The following TANC1 variants were observed in gnomAD, a reference collection of about 807,000 sequenced individuals.
TANC1 encodes protein TANC1.
In TANC1, 77 loss-of-function variants were observed where a neutral mutation model predicts 149.7. That is an observed-to-expected ratio of 0.51 (90% CI 0.43 to 0.62). TANC1 has a LOEUF of 0.62. TANC1 is among the 20% of genes least tolerant of loss of function. The probability of loss-of-function intolerance (pLI) is 0.00; values close to 1 mark genes in which losing one functional copy is unlikely to be tolerated. For missense variants in TANC1, 1,985 were observed against 2,321.8 expected (o/e 0.85, Z 2.98); for synonymous variants, 854 against 925.0 (o/e 0.92, Z 1.39).
intron 2 of TANC1, chr2:159,056,865 T>TGATTGA (rs2041893515): frequency 3.2e-6 from 1 of 311,182 alleles, no homozygotes; most frequent in Non-Finnish European, 6.8e-6. Flanking sequence ...ATCATAGGAG[T>TGATTGA]TTCCTGGCAT....
chr2:159,030,917 G>A (rs543823374), intron 2 of TANC1, among the ~76,000 whole-genome samples: 1 of 152,288 alleles, frequency 6.6e-6, no homozygotes, highest in African/African-American at 2.4e-5. Context: ...GGAGGAAGGG[G>A]CTGAGGTCTT....
At chr2:158,973,358 T>TG (rs2033176919) in intron 1 of TANC1, among the ~76,000 whole-genome samples, 2 of 152,102 alleles carry the variant, frequency 1.3e-5, no homozygotes, top group African/African-American at 2.4e-5. Context: ...GGGTAGGAGA[T>TG]GGGGGTGGAG....
chr2:159,096,291 G>GTGTTTT (rs1387030312), intron 3 of TANC1, among the ~76,000 whole-genome samples: 6 of 113,500 alleles, frequency 5.3e-5, no homozygotes, highest in African/African-American at 2.2e-4. Flanking sequence ...AGGACTGGCT[G>GTGTTTT]TATTTTTTTT....
At chr2:159,127,130 A>G (rs1485864371) in intron 4 of TANC1, among the ~76,000 whole-genome samples, 2 of 152,246 alleles carry the variant, frequency 1.3e-5, no homozygotes, top group African/African-American at 4.8e-5. Context: ...CTACAAAAAA[A>G]TCCCATCAAA....
intron 2 of TANC1, among the ~76,000 whole-genome samples, chr2:159,025,270 C>CCTTTT (rs1392163236): frequency 4.9e-5 from 6 of 122,368 alleles, no homozygotes; most frequent in Non-Finnish European, 6.9e-5. Context: ...TTCCTTTTTT[C>CCTTTT]CTTTTCTTTT....
chr2:159,162,216 A>T (rs1279227242), intron 7 of TANC1, among the ~76,000 whole-genome samples: 1 of 152,226 alleles, frequency 6.6e-6, no homozygotes, highest in African/African-American at 2.4e-5. Context: ...CTTCTGATAC[A>T]GTGTGTATCA....
At chr2:159,191,585 A>G (rs2057447281) in intron 16 of TANC1, among the ~76,000 whole-genome samples, 1 of 152,172 alleles carries the variant, frequency 6.6e-6, no homozygotes, top group Non-Finnish European at 1.5e-5. Flanking sequence ...TCAGAGAGGA[A>G]GCTGGAGGCC....
intron 5 of TANC1, among the ~76,000 whole-genome samples, chr2:159,144,751 T>C (rs2051871066): frequency 6.6e-6 from 1 of 152,108 alleles, no homozygotes; most frequent in South Asian, 2.1e-4. Flanking sequence ...GGAATGGTAA[T>C]GGCTGAGAAG....
chr2:159,032,662 T>C (rs1162923356), intron 2 of TANC1, among the ~76,000 whole-genome samples: 4 of 152,102 alleles, frequency 2.6e-5, no homozygotes, highest in African/African-American at 7.2e-5. Context: ...TGTCCCTCCA[T>C]TCTCTTAACT....
intron 4 of TANC1, among the ~76,000 whole-genome samples, chr2:159,135,031 C>T (rs1289781054): frequency 1.3e-5 from 2 of 152,168 alleles, no homozygotes; most frequent in Non-Finnish European, 2.9e-5. Flanking sequence ...GTACAACCAT[C>T]CCTACAACCT....
chr2:159,049,338 A>AGTTATCAGAGATCTAAAT (rs11275225), intron 2 of TANC1, among the ~76,000 whole-genome samples: 1 of 151,930 alleles, frequency 6.6e-6, no homozygotes, highest in African/African-American at 2.4e-5. Context: ...ATCCAAACTT[A>AGTTATCAGAGATCTAAAT]GTTCAGATTT....
At chr2:159,187,644 G>C (rs1450596810) in intron 16 of TANC1, among the ~76,000 whole-genome samples, 3 of 152,126 alleles carry the variant, frequency 2.0e-5, no homozygotes, top group Non-Finnish European at 4.4e-5. Flanking sequence ...AGCCTGTTAA[G>C]GCCACAGAGA....
intron 2 of TANC1, chr2:159,056,318 A>AT (rs1200812759): frequency 0.021 from 3,318 of 156,362 alleles, 43 homozygotes; most frequent in Middle Eastern, 0.07. Flanking sequence ...TTATTTATTT[A>AT]TTTTTTTTTT....
chr2:159,097,420 G>T (rs1206633917), intron 3 of TANC1, among the ~76,000 whole-genome samples: 2 of 152,168 alleles, frequency 1.3e-5, no homozygotes, highest in Non-Finnish European at 2.9e-5. Context: ...TTAGGGTAGT[G>T]CAGAAAGGCA....
rs768334181 is a variant in TANC1 at position 159,136,179 on chromosome 2, T to C, written c.260-15T>C. ...CTGGAAAAAATTAGCCACACTCAGA[T>C]CTTTCCCACTACAGGTCCCGTCAGG... On this transcript the variant is annotated splice_polypyrimidine_tract_variant and intron_variant, in intron 4 of 26. Coordinates refer to ENST00000263635, the MANE Select transcript of TANC1 (RefSeq NM_033394.3). 1.3e-6 allele frequency: 2 copies of C among 1,512,498 alleles called. No individual in the cohort carries two copies. 93.7% of individuals were successfully genotyped at this position (1,512,498 alleles called of 1,614,324 possible). A position where few individuals can be genotyped will look rare whatever the true frequency, so the allele number is the denominator to read the frequency against.
intron 4 of TANC1, among the ~76,000 whole-genome samples, chr2:159,105,308 T>TAAAAAATTTTA (rs765993077): frequency 2.6e-5 from 4 of 152,112 alleles, no homozygotes; most frequent in Admixed American, 6.6e-5. Context: ...ACTTACTTTT[T>TAAAAAATTTTA]AAAAAAATTA....
rs867686573 is a variant in TANC1 at position 159,232,055 on chromosome 2, C to A, written c.*1043C>A. 6.6e-6 allele frequency: 1 copy of A among 152,550 alleles called. No homozygotes were observed. Among genetic ancestry groups the A allele is most frequent in the Non-Finnish European group, 1.5e-5 (1 of 68,012 alleles). The allele number at this position is 152,550 out of a possible 1,614,324, so 9.4% of individuals were successfully genotyped here. On this transcript the variant is annotated 3_prime_UTR_variant, in exon 27 of 27. Transcript: ENST00000263635. ...AAACCCCAGTCACGATTTGCATGTTCTCTGTAAGCTTCATCCATGCTGGTT... is the reference window on the plus strand; with the variant it reads ...AAACCCCAGTCACGATTTGCATGTTATCTGTAAGCTTCATCCATGCTGGTT...
intron 5 of TANC1, among the ~76,000 whole-genome samples, chr2:159,147,339 CT>C: frequency 6.6e-6 from 1 of 152,330 alleles, no homozygotes; most frequent in Admixed American, 6.5e-5. Flanking sequence ...CACTTCTTCC[CT>C]TTCCATCTGC....
At chr2:159,055,145 T>C (rs750463257) in intron 2 of TANC1, among the ~76,000 whole-genome samples, 1 of 152,210 alleles carries the variant, frequency 6.6e-6, no homozygotes, top group Non-Finnish European at 1.5e-5. Flanking sequence ...TGGAGCTAAC[T>C]GTCATAAGGA....
Sources: allele counts gnomAD v4.1 joint callset (sites outside exome capture counted in the v4.1 genomes callset), GRCh38; gene constraint gnomAD v4.1.1; transcripts MANE v1.5; gene names NCBI Gene and HGNC (gene_info 2026-07-23, HGNC 2026-07-21).